The following F8 variants were observed in gnomAD, a reference collection of about 807,000 sequenced individuals.
F8 encodes antihemophilic factor.
In F8, 12 loss-of-function variants were observed where a neutral mutation model predicts 140.6. That is an observed-to-expected ratio of 0.09 (90% CI 0.05 to 0.14). The LOEUF (loss-of-function observed/expected upper bound fraction) is 0.14. F8 is among the 10% of genes least tolerant of loss of function. The pLI is 1.00. For missense variants in F8, 1,354 were observed against 1,720.7 expected, an observed-to-expected ratio of 0.79 and a Z score of 3.77; for synonymous variants, 585 against 614.6, an observed-to-expected ratio of 0.95 and a Z score of 0.71.
intron 14 of F8, among the ~76,000 whole-genome samples, chrX:154,925,491 C>T (rs2073155623): frequency 8.9e-6 from 1 of 112,469 alleles, no homozygotes. Context: ...CCCATGAAGG[C>T]AGACACAAGG....
intron 22 of F8, among the ~76,000 whole-genome samples, chrX:154,871,087 AG>A (rs781934063): frequency 2.7e-5 from 3 of 112,600 alleles, no homozygotes; most frequent in Non-Finnish European, 5.6e-5. Flanking sequence ...GCTCATGGAT[AG>A]GAAGAATCAT....
In F8 at chrX:154,925,408, T is replaced by C. The variant is rs1484543194; in HGVS notation, c.5219+3163A>G. ...TGGAGCTGTGAGAAGAGGGCCACCG[T>C]CCTCCAGACCCCGGAATGGTAGATC... On this transcript the variant is annotated intron_variant, in intron 14 of 25. Transcript: ENST00000360256. Among the ~76,000 whole-genome samples the C allele has an allele frequency of 8.9e-5, 10 of 111,784 alleles. No individual in the cohort carries two copies. The Admixed American group carries it at 9.5e-4, about 11-fold the overall frequency.
In F8 at chrX:154,839,518, A is replaced by T. The variant is rs782506389; in HGVS notation, c.6901-1766T>A. Among the ~76,000 whole-genome samples, 5 of 109,767 alleles carry T rather than the reference A, an allele frequency of 4.6e-5. No individual in the cohort carries two copies. In the East Asian group the frequency reaches 1.5e-3, roughly 32 times the overall value. ...GCTGGGACTACAGGTGCCCGCCACC[A>T]TGCCCGGCTCATTTTTTGTATTTTT... On this transcript the variant is annotated intron_variant, in intron 25 of 25. Transcript: ENST00000360256.
chrX:154,966,184 C>A, intron 8 of F8, 43 bp from the exon 9 acceptor site: 1 of 1,147,790 alleles, frequency 8.7e-7, no homozygotes. Context: ...AAGAAAAATT[C>A]TAGGTAGGCT....
In F8 at chrX:154,913,873, A is replaced by G. The variant is rs782720336; in HGVS notation, c.5220-7300T>C. ...GGTGCAAGCTCTCAGTGGATCTACC[A>G]TTCTGGGGTCTGGAGGACAGTGGCC... is the stretch of plus-strand genomic sequence containing the variant. On this transcript the variant is annotated intron_variant, in intron 14 of 25. Transcript: ENST00000360256. 2.7e-5 allele frequency among the ~76,000 whole-genome samples: 3 copies of G among 112,361 alleles called. No individual in the cohort carries two copies. The Admixed American group carries it at 2.8e-4, about 10-fold the overall frequency.
intron 1 of F8, among the ~76,000 whole-genome samples, chrX:155,017,580 A>C (rs782198375): frequency 3.5e-5 from 4 of 112,731 alleles, no homozygotes; most frequent in Non-Finnish European, 7.5e-5. Context: ...CCTTCATGCT[A>C]TACCATTTTA....
intron 14 of F8, among the ~76,000 whole-genome samples, chrX:154,921,156 T>C (rs1420522926): frequency 1.8e-5 from 2 of 112,255 alleles, no homozygotes; most frequent in African/African-American, 6.5e-5. Context: ...TAAATCTATA[T>C]TTTCACTCCC....
intron 22 of F8, among the ~76,000 whole-genome samples, chrX:154,869,917 C>T (rs905816722): frequency 6.2e-5 from 7 of 112,146 alleles, no homozygotes; most frequent in African/African-American, 2.3e-4. Flanking sequence ...ACTATAAACA[C>T]GTCTATGCAG....
intron 13 of F8, among the ~76,000 whole-genome samples, chrX:154,944,411 A>G (rs1228192240): frequency 9.0e-6 from 1 of 111,711 alleles, no homozygotes; most frequent in Non-Finnish European, 1.9e-5. Flanking sequence ...CAAAAAACAC[A>G]TGAAAAAATG....
intron 12 of F8, among the ~76,000 whole-genome samples, chrX:154,952,372 G>A (rs1172724899): frequency 1.8e-5 from 2 of 111,436 alleles, no homozygotes; most frequent in African/African-American, 6.5e-5. Flanking sequence ...TAACTCTGGA[G>A]AATAATATAT....
intron 22 of F8, among the ~76,000 whole-genome samples, chrX:154,891,884 G>T (rs1481151278): frequency 8.9e-6 from 1 of 111,877 alleles, no homozygotes; most frequent in African/African-American, 3.3e-5. Context: ...TCCAAACAGG[G>T]TCTCTAAGGA....
chrX:155,003,483 C>A (rs1281811749), intron 1 of F8, among the ~76,000 whole-genome samples: 2 of 107,978 alleles, frequency 1.9e-5, no homozygotes, highest in Non-Finnish European at 3.8e-5. Context: ...CCCAGAATGT[C>A]CAAAAACTGT....
chrX:154,845,091 C>T lies in F8; in HGVS notation c.6901-7339G>A, dbSNP rs1438510335. Among the ~76,000 whole-genome samples the T allele has an allele frequency of 1.3e-4, 14 of 111,578 alleles. No homozygotes were observed. The East Asian group carries it at 2.8e-3, about 22-fold the overall frequency. ...TTGGTTCTGTTTATATGCTGGATTA[C>T]GTTTATTGATTTTCGTATGTTGAAC... On this transcript the variant is annotated intron_variant, in intron 25 of 25. Transcript: ENST00000360256.
chrX:154,859,229 G>A (rs2072670843), intron 25 of F8, among the ~76,000 whole-genome samples: 1 of 110,900 alleles, frequency 9.0e-6, no homozygotes, highest in African/African-American at 3.3e-5. Context: ...GGATATCCCT[G>A]ACTAACACAC....
At chrX:154,898,112 T>A (rs1028053587) in intron 21 of F8, 1 of 112,031 alleles carries the variant, frequency 8.9e-6, no homozygotes, top group Non-Finnish European at 1.9e-5. Flanking sequence ...GCCTGCTGAC[T>A]TCCCCCTGTG....
intron 6 of F8, among the ~76,000 whole-genome samples, chrX:154,972,485 GTTGA>G (rs1557282661): frequency 9.0e-6 from 1 of 110,918 alleles, no homozygotes; most frequent in African/African-American, 3.3e-5. Context: ...TCTTCACTCT[GTTGA>G]TTGTTTCCTT....
intron 25 of F8, among the ~76,000 whole-genome samples, chrX:154,840,532 C>T (rs2072512235): frequency 8.9e-6 from 1 of 111,982 alleles, no homozygotes; most frequent in African/African-American, 3.2e-5. Flanking sequence ...AAGATTTGGG[C>T]ATGGGATGGG....
At chrX:154,901,319 A>G in intron 20 of F8, 52 bp downstream of exon 20, 1 of 801,936 alleles carries the variant, frequency 1.2e-6, no homozygotes, top group Admixed American at 2.2e-5. Flanking sequence ...CCAGATTATT[A>G]AAAAAAGATA....
chrX:154,929,497 G>A lies in F8; in HGVS notation c.4293C>T (p.Asn1431=), dbSNP rs1569559674. The A allele has an allele frequency of 8.3e-7, 1 of 1,211,476 alleles. No individual in the cohort carries two copies. Among genetic ancestry groups the A allele is most frequent in the East Asian group, 3.0e-5 (1 of 33,855 alleles). ...IYLTRVLFQD[N]SSHLPAASYR... The stretch of plus-strand genomic sequence containing the variant: ...AAGATGCTGCTGGAAGATGAGAAGA[G>A]TTGTCTTGGAATAGGACCCTGGTCA... Residue 1431 remains asparagine, a synonymous_variant, in exon 14 of 26, where the codon AAC becomes AAT. Transcript: ENST00000360256.
Sources: gnomAD v4.1 joint callset for allele counts (sites outside exome capture counted in the v4.1 genomes callset) on GRCh38, gnomAD v4.1.1 for gene constraint, MANE v1.5 for transcripts, NCBI Gene and HGNC (gene_info 2026-07-23, HGNC 2026-07-21) for gene names.